The following KCNIP4 variants were observed in gnomAD, a reference collection of about 807,000 sequenced individuals.
The protein encoded by KCNIP4 is potassium voltage-gated channel interacting protein 4.
Under a neutral mutation model 34.0 loss-of-function variants are expected in KCNIP4, and 12 were observed. The observed-to-expected ratio is 0.35, with a 90% CI of 0.23 to 0.57. The LOEUF is 0.57. Among genes scored for constraint, KCNIP4 ranks in the 20% least tolerant of loss-of-function variants. The pLI is 0.83. For synonymous variants in KCNIP4, 124 were observed against 102.2 expected (o/e 1.21, Z -1.29); for missense variants, 238 against 311.7 (o/e 0.76, Z 1.78).
chr4:21,226,644 G>A (rs907468223), intron 1 of KCNIP4, among the ~76,000 whole-genome samples: 1 of 152,170 alleles, frequency 6.6e-6, no homozygotes, highest in African/African-American at 2.4e-5. Context: ...GACTTCTGTA[G>A]TTAAGAGGCA....
At chr4:21,023,595 G>C (rs368759952) in intron 1 of KCNIP4, among the ~76,000 whole-genome samples, 12 of 152,188 alleles carry the variant, frequency 7.9e-5, no homozygotes, top group African/African-American at 2.9e-4. Context: ...AAACCATTAG[G>C]AAAATGAAAA....
At chr4:21,827,421 G>C (rs1306859684) in intron 1 of KCNIP4, among the ~76,000 whole-genome samples, 1 of 151,988 alleles carries the variant, frequency 6.6e-6, no homozygotes, top group Non-Finnish European at 1.5e-5. Context: ...AGAAGAAACA[G>C]TCCTAAGGCT....
intron 1 of KCNIP4, among the ~76,000 whole-genome samples, chr4:21,864,467 A>G (rs931218274): frequency 1.3e-5 from 2 of 152,206 alleles, no homozygotes; most frequent in Admixed American, 1.3e-4. Flanking sequence ...AATGCCCTAT[A>G]TGAAAAAGCA....
chr4:21,116,784 C>G (rs951536069), intron 1 of KCNIP4, among the ~76,000 whole-genome samples: 2 of 152,160 alleles, frequency 1.3e-5, no homozygotes, highest in African/African-American at 4.8e-5. Flanking sequence ...AACCAACAAT[C>G]GATGCCTTCC....
chr4:21,222,427 T>G (rs906521419), intron 1 of KCNIP4, among the ~76,000 whole-genome samples: 1 of 152,112 alleles, frequency 6.6e-6, no homozygotes, highest in Admixed American at 6.5e-5. Context: ...AAAGACTCAG[T>G]CTTAGAAGGC....
At chr4:20,918,934 A>G (rs1011434618) in intron 1 of KCNIP4, among the ~76,000 whole-genome samples, 23 of 152,314 alleles carry the variant, frequency 1.5e-4, no homozygotes, top group Middle Eastern at 6.8e-3. Context: ...TTGCAGACTA[A>G]AGCTCCCTTT....
At chr4:21,473,659 A>G (rs1307866110) in intron 1 of KCNIP4, among the ~76,000 whole-genome samples, 1 of 152,090 alleles carries the variant, frequency 6.6e-6, no homozygotes, top group Non-Finnish European at 1.5e-5. Flanking sequence ...CTTTGTAGTG[A>G]AGCAAAGTTA....
At chr4:20,883,406 T>C (rs922373446) in intron 1 of KCNIP4, among the ~76,000 whole-genome samples, 2 of 152,112 alleles carry the variant, frequency 1.3e-5, no homozygotes, top group Admixed American at 6.5e-5. Context: ...CGGAGCAGTA[T>C]GTGTGACAGC....
chr4:21,071,250 AT>A (rs1438356563), intron 1 of KCNIP4, among the ~76,000 whole-genome samples: 1 of 152,124 alleles, frequency 6.6e-6, no homozygotes, highest in Non-Finnish European at 1.5e-5. Context: ...TCAATTGTTC[AT>A]TTTAAGTTAA....
chr4:21,752,039 G>C (rs1717185343), intron 1 of KCNIP4, among the ~76,000 whole-genome samples: 1 of 152,134 alleles, frequency 6.6e-6, no homozygotes, highest in African/African-American at 2.4e-5. Flanking sequence ...CCCCAAGGCT[G>C]TTAGCTGCTC....
intron 1 of KCNIP4, among the ~76,000 whole-genome samples, chr4:21,553,543 G>A (rs6827964): frequency 0.014 from 2,059 of 152,078 alleles, 55 homozygotes; most frequent in African/African-American, 0.045. Context: ...CTTTTAAAAT[G>A]CACTTGTCCT....
At chr4:20,734,976 C>A (rs1413678934) in intron 5 of KCNIP4, among the ~76,000 whole-genome samples, 11 of 152,020 alleles carry the variant, frequency 7.2e-5, no homozygotes, top group Admixed American at 7.2e-4. Flanking sequence ...GGAAATTGTA[C>A]CAGTGCGTAC....
intron 1 of KCNIP4, among the ~76,000 whole-genome samples, chr4:21,129,555 G>A (rs1332930216): frequency 3.9e-5 from 6 of 152,300 alleles, no homozygotes; most frequent in South Asian, 2.1e-4. Context: ...ACGGCAAGGA[G>A]TGTAATTCAG....
intron 1 of KCNIP4, among the ~76,000 whole-genome samples, chr4:21,767,950 G>GA (rs1402709237): frequency 1.3e-5 from 2 of 151,972 alleles, no homozygotes; most frequent in East Asian, 3.9e-4. Context: ...TCCCCTAAAG[G>GA]AAGAAGAGAA....
intron 1 of KCNIP4, among the ~76,000 whole-genome samples, chr4:20,910,585 T>C (rs1728233254): frequency 6.6e-6 from 1 of 152,126 alleles, no homozygotes; most frequent in South Asian, 2.1e-4. Flanking sequence ...CAGAGAAAGC[T>C]TTTAGTTCTT....
chr4:21,735,157 A>C (rs2109118543), intron 1 of KCNIP4, among the ~76,000 whole-genome samples: 1 of 152,082 alleles, frequency 6.6e-6, no homozygotes, highest in South Asian at 2.1e-4. Context: ...TAATTGAAAT[A>C]AAATTTGATA....
chr4:20,765,439 C>T (rs1161393613), intron 3 of KCNIP4, among the ~76,000 whole-genome samples: 3 of 152,066 alleles, frequency 2.0e-5, no homozygotes, highest in South Asian at 2.1e-4. Flanking sequence ...TTGGGATCAC[C>T]GATTAAAATT....
At chr4:21,252,186 G>A (rs570259768) in intron 1 of KCNIP4, among the ~76,000 whole-genome samples, 29 of 148,622 alleles carry the variant, frequency 2.0e-4, no homozygotes, top group Admixed American at 1.7e-3. Context: ...GGAGTGCAGT[G>A]GCGCAATCTC....
intron 1 of KCNIP4, among the ~76,000 whole-genome samples, chr4:21,205,752 A>G (rs564666752): frequency 1.4e-4 from 22 of 152,360 alleles, no homozygotes; most frequent in African/African-American, 1.7e-4. Flanking sequence ...CACACGGTTA[A>G]TAAGTGGTAC....
Sources: gnomAD v4.1 joint callset for allele counts (sites outside exome capture counted in the v4.1 genomes callset) on GRCh38, gnomAD v4.1.1 for gene constraint, MANE v1.5 for transcripts, NCBI Gene and HGNC (gene_info 2026-07-23, HGNC 2026-07-21) for gene names.